APAF1: variants seen among roughly 807,000 people sequenced by gnomAD.
APAF1 encodes the protein apoptotic protease-activating factor 1.
Under a neutral mutation model 152.4 loss-of-function variants are expected in APAF1, and 91 were observed. That is an observed-to-expected ratio of 0.60 (90% CI 0.50 to 0.71). The LOEUF (loss-of-function observed/expected upper bound fraction) is 0.71. Among genes scored for constraint, APAF1 ranks in the 30% least tolerant of loss-of-function variants. APAF1 has a pLI of 0.00. For missense variants in APAF1, 1,283 were observed against 1,472.0 expected, an observed-to-expected ratio of 0.87 and a Z score of 2.10; for synonymous variants, 484 against 494.1, an observed-to-expected ratio of 0.98 and a Z score of 0.27.
In APAF1 at chr12:98,723,180, C is replaced by T; in HGVS notation, c.3085-13C>T. On this transcript the variant is annotated splice_polypyrimidine_tract_variant and intron_variant, in intron 22 of 26. Coordinates refer to ENST00000551964, the MANE Select transcript of APAF1 (RefSeq NM_181861.2). Reference sequence around the variant, plus strand: ...GGGGAGGATTATAACAGACTTATTTCTTTGATATTCAGGTATGGAATTGGC... The same window carrying T: ...GGGGAGGATTATAACAGACTTATTTTTTTGATATTCAGGTATGGAATTGGC... 2.5e-6 allele frequency: 4 copies of T among 1,612,430 alleles called. No individual in the cohort carries two copies. Among genetic ancestry groups the T allele is most frequent in the Non-Finnish European group, 1.7e-6 (2 of 1,178,910 alleles).
chr12:98,661,046 CT>C (rs2097664467), intron 5 of APAF1, among the ~76,000 whole-genome samples: 1 of 152,170 alleles, frequency 6.6e-6, no homozygotes, highest in Admixed American at 6.5e-5. Flanking sequence ...GGACTACAGG[CT>C]CCCCACCACA....
chr12:98,716,867 T>C (rs1245283038), intron 22 of APAF1, among the ~76,000 whole-genome samples: 2 of 152,136 alleles, frequency 1.3e-5, no homozygotes, highest in Non-Finnish European at 2.9e-5. Flanking sequence ...TTTATGTTTT[T>C]TTCTTTATTT....
In APAF1 at chr12:98,727,138, A is replaced by T; in HGVS notation, c.3457-35A>T. The T allele has an allele frequency of 4.3e-6, 7 of 1,609,200 alleles. 1 individual carries two copies. In the South Asian group the frequency reaches 7.7e-5, roughly 18 times the overall value. On this transcript the variant is annotated intron_variant, in intron 25 of 26. Transcript: ENST00000551964. The stretch of plus-strand genomic sequence containing the variant: ...TTAAAACCAGAGAAGCTTCTGGATA[A>T]CTCTGTTAATGAATTGTGTATCATG...
At chr12:98,663,036 T>G (rs2097667557) in intron 7 of APAF1, among the ~76,000 whole-genome samples, 1 of 152,182 alleles carries the variant, frequency 6.6e-6, no homozygotes, top group Non-Finnish European at 1.5e-5. Context: ...GAGACCACAT[T>G]AGTGAGAGAA....
At chr12:98,674,668 A>G (rs756959332) in intron 12 of APAF1, among the ~76,000 whole-genome samples, 6 of 152,194 alleles carry the variant, frequency 3.9e-5, no homozygotes, top group Non-Finnish European at 8.8e-5. Flanking sequence ...CTGGGTTTGA[A>G]TCCCAGCTCT....
At chr12:98,722,601 A>AT (rs895563824) in intron 22 of APAF1, among the ~76,000 whole-genome samples, 6 of 152,098 alleles carry the variant, frequency 3.9e-5, no homozygotes, top group African/African-American at 1.4e-4. Flanking sequence ...ATGTTATTTC[A>AT]TTCCCCCCAC....
intron 17 of APAF1, among the ~76,000 whole-genome samples, chr12:98,700,877 C>T (rs960085988): frequency 1.3e-5 from 2 of 152,200 alleles, no homozygotes; most frequent in African/African-American, 4.8e-5. Flanking sequence ...TTGTGTCTGA[C>T]TCATTTCATT....
intron 16 of APAF1, among the ~76,000 whole-genome samples, chr12:98,691,754 T>C (rs1049671414): frequency 1.3e-5 from 2 of 152,120 alleles, no homozygotes; most frequent in Non-Finnish European, 2.9e-5. Context: ...ACTCTCCTCA[T>C]TTTACATCAA....
At position 98,732,979 on chromosome 12, in the gene APAF1, A is replaced by G. The variant is rs1216236559; in HGVS notation, c.*413A>G. 1 of 201,626 alleles carries G rather than the reference A, an allele frequency of 5.0e-6. No homozygotes were observed. The highest frequency in any genetic ancestry group is 2.4e-5 in the African/African-American group (1 of 41,942). The allele number at this position is 201,626 out of a possible 1,614,324, so 12.5% of individuals were successfully genotyped here. A position where few individuals can be genotyped will look rare whatever the true frequency, so the allele number is the denominator to read the frequency against. On this transcript the variant is annotated 3_prime_UTR_variant, in exon 27 of 27. Coordinates refer to ENST00000551964, the MANE Select transcript of APAF1 (RefSeq NM_181861.2). The stretch of plus-strand genomic sequence containing the variant: ...AGCAGTGGCCTGCTTTTTGAACCAC[A>G]CTTACCCCAAGGGGGTTTTGTTCTC...
intron 22 of APAF1, among the ~76,000 whole-genome samples, chr12:98,721,124 G>C (rs1477615207): frequency 6.6e-6 from 1 of 152,194 alleles, no homozygotes; most frequent in Admixed American, 6.5e-5. Flanking sequence ...GGTGGTGGAA[G>C]TTTAGTGATA....
chr12:98,699,513 T>A lies in APAF1; in HGVS notation c.2410T>A (p.Cys804Ser). 6.2e-7 allele frequency: 1 copy of A among 1,614,208 alleles called. No individual in the cohort carries two copies. Among genetic ancestry groups the A allele is most frequent in the Non-Finnish European group, 8.5e-7 (1 of 1,180,034 alleles). Residue 804 changes from cysteine to serine, a missense_variant, in exon 17 of 27, where the codon TGT (cysteine) becomes AGT (serine). Physicochemically the swap from Cys to Ser is moderately radical, Grantham distance 112. Transcript: ENST00000551964. ...QEDMEVIVKCCSWSADGARIM... is the reference protein window; with the variant it reads ...QEDMEVIVKCSSWSADGARIM... ...GGATATGGAAGTGATAGTGAAGTGT[T>A]GTTCGTGGTCTGCTGATGGTGCAAG...
intron 22 of APAF1, among the ~76,000 whole-genome samples, chr12:98,715,904 A>G (rs186685572): frequency 5.1e-4 from 77 of 152,288 alleles, no homozygotes; most frequent in Non-Finnish European, 8.2e-4. Context: ...AATGGAAATC[A>G]TTTCATTCTT....
chr12:98,706,446 T>TA (rs1456824943), intron 18 of APAF1, 39 bp from the exon 19 acceptor site: 1 of 1,612,636 alleles, frequency 6.2e-7, no homozygotes, highest in Non-Finnish European at 8.5e-7. Flanking sequence ...TCAAAATGCT[T>TA]ATGTATGTGA....
At chr12:98,662,866 T>G in intron 7 of APAF1, 60 bp downstream of exon 7, 1 of 1,506,796 alleles carries the variant, frequency 6.6e-7, no homozygotes, top group Non-Finnish European at 9.1e-7. Flanking sequence ...TCCCTTTTGT[T>G]AATTGAGCTA....
chr12:98,656,836 A>G (rs1343900980), intron 4 of APAF1, among the ~76,000 whole-genome samples: 1 of 152,194 alleles, frequency 6.6e-6, no homozygotes, highest in Non-Finnish European at 1.5e-5. Flanking sequence ...CTGTTGTCTC[A>G]TCCAGACCAT....
At chr12:98,672,256 C>A (rs1593048181) in intron 12 of APAF1, among the ~76,000 whole-genome samples, 1 of 152,186 alleles carries the variant, frequency 6.6e-6, no homozygotes, top group South Asian at 2.1e-4. Context: ...CCTCTGCCTC[C>A]CGGATTCAAA....
chr12:98,721,137 A>G (rs1593112334), intron 22 of APAF1, among the ~76,000 whole-genome samples: 1 of 152,232 alleles, frequency 6.6e-6, no homozygotes, highest in African/African-American at 2.4e-5. Flanking sequence ...TAGTGATATT[A>G]AGGTTATTCA....
chr12:98,664,478 C>G (rs1261478474), intron 7 of APAF1, among the ~76,000 whole-genome samples: 1 of 151,458 alleles, frequency 6.6e-6, no homozygotes, highest in Non-Finnish European at 1.5e-5. Context: ...AGTATTGCCT[C>G]CAGTCTTTTA....
chr12:98,665,228 G>A (rs1403530006), intron 7 of APAF1, among the ~76,000 whole-genome samples: 1 of 133,092 alleles, frequency 7.5e-6, no homozygotes, highest in Non-Finnish European at 1.6e-5. Context: ...GTAGAGACAA[G>A]GTCTCATTAT....
Sources: allele counts gnomAD v4.1 joint callset (sites outside exome capture counted in the v4.1 genomes callset), GRCh38; gene constraint gnomAD v4.1.1; transcripts MANE v1.5; gene names NCBI Gene and HGNC (gene_info 2026-07-23, HGNC 2026-07-21).